The following RAD51B variants were observed in gnomAD, a reference collection of about 807,000 sequenced individuals.
The protein encoded by RAD51B is RAD51 paralog B.
A neutral mutation model predicts 42.2 loss-of-function variants in RAD51B; 38 were observed. That is an observed-to-expected ratio of 0.90 (90% CI 0.70 to 1.18). RAD51B has a LOEUF of 1.18. Ranked by LOEUF, RAD51B falls within the 50% of genes most tolerant of loss-of-function variation. RAD51B has a pLI of 0.00. For synonymous variants in RAD51B, 154 were observed against 145.2 expected (o/e 1.06, Z -0.43); for missense variants, 373 against 400.7 (o/e 0.93, Z 0.59).
At chr14:68,116,839 C>T (rs2077557682) in intron 7 of RAD51B, among the ~76,000 whole-genome samples, 1 of 151,894 alleles carries the variant, frequency 6.6e-6, no homozygotes, top group Non-Finnish European at 1.5e-5. Context: ...GAATTTCTTC[C>T]TTGGGGAAAT....
At chr14:68,298,260 A>G (rs1566792414) in intron 8 of RAD51B, among the ~76,000 whole-genome samples, 1 of 152,236 alleles carries the variant, frequency 6.6e-6, no homozygotes, top group Non-Finnish European at 1.5e-5. Context: ...AAATCCCAAA[A>G]GGGAGAGGAA....
At chr14:68,588,689 C>T (rs1020817482) in intron 10 of RAD51B, among the ~76,000 whole-genome samples, 5 of 152,144 alleles carry the variant, frequency 3.3e-5, no homozygotes, top group African/African-American at 4.8e-5. Flanking sequence ...TGAGTAGTAT[C>T]GAGTCTGGAT....
intron 8 of RAD51B, among the ~76,000 whole-genome samples, chr14:68,302,486 A>AGGG (rs2139695352): frequency 2.1e-5 from 1 of 47,576 alleles, no homozygotes; most frequent in South Asian, 9.7e-4. Context: ...AGCCCCCGTC[A>AGGG]TGGAATCCAG....
At chr14:68,444,905 G>T (rs1259629684) in intron 9 of RAD51B, among the ~76,000 whole-genome samples, 4 of 152,192 alleles carry the variant, frequency 2.6e-5, no homozygotes, top group African/African-American at 9.7e-5. Context: ...TGAACTGGTG[G>T]AACTTTGTGG....
chr14:68,003,752 C>T (rs2075528830), intron 7 of RAD51B, among the ~76,000 whole-genome samples: 1 of 152,082 alleles, frequency 6.6e-6, no homozygotes, highest in African/African-American at 2.4e-5. Flanking sequence ...TATTGAAGGC[C>T]TTTTCTGCAT....
intron 10 of RAD51B, among the ~76,000 whole-genome samples, chr14:68,619,963 A>G (rs1262358678): frequency 6.6e-6 from 1 of 152,102 alleles, no homozygotes; most frequent in East Asian, 1.9e-4. Flanking sequence ...CCTTGCCCCA[A>G]ATATAATGTA....
intron 8 of RAD51B, among the ~76,000 whole-genome samples, chr14:68,409,452 A>C (rs1416830749): frequency 6.6e-6 from 1 of 152,230 alleles, no homozygotes; most frequent in Non-Finnish European, 1.5e-5. Context: ...GGTATTAGAC[A>C]AGAAAAAATG....
intron 8 of RAD51B, among the ~76,000 whole-genome samples, chr14:68,308,550 A>T (rs1030830167): frequency 3.9e-5 from 6 of 152,168 alleles, no homozygotes; most frequent in Non-Finnish European, 7.4e-5. Context: ...AGACCTTGTT[A>T]AATAACAATG....
chr14:67,960,413 T>G (rs1042301726), intron 7 of RAD51B, among the ~76,000 whole-genome samples: 7 of 152,212 alleles, frequency 4.6e-5, no homozygotes, highest in African/African-American at 1.4e-4. Flanking sequence ...AAGAAGACTC[T>G]TGTTGTTTTC....
intron 7 of RAD51B, among the ~76,000 whole-genome samples, chr14:67,979,233 A>G (rs559320460): frequency 6.6e-6 from 1 of 152,362 alleles, no homozygotes; most frequent in African/African-American, 2.4e-5. Context: ...TAAAAATGCA[A>G]TTGTAATGTG....
chr14:68,487,864 C>T (rs956434546), intron 10 of RAD51B, among the ~76,000 whole-genome samples: 2 of 152,156 alleles, frequency 1.3e-5, no homozygotes, highest in Non-Finnish European at 2.9e-5. Context: ...TGGAGGTTAG[C>T]ACTTCACATA....
intron 11 of RAD51B, among the ~76,000 whole-genome samples, chr14:68,661,369 G>T: frequency 6.6e-6 from 1 of 152,288 alleles, no homozygotes; most frequent in South Asian, 2.1e-4. Context: ...TGCTGCACGC[G>T]CTGGAATCCC....
chr14:68,528,246 G>A (rs887234281), intron 10 of RAD51B, among the ~76,000 whole-genome samples: 61 of 152,182 alleles, frequency 4.0e-4, no homozygotes, highest in African/African-American at 1.4e-3. Flanking sequence ...TGAGAATGAT[G>A]TCATTCATCA....
At chr14:67,867,939 T>C (rs1264215197) in intron 5 of RAD51B, among the ~76,000 whole-genome samples, 1 of 152,200 alleles carries the variant, frequency 6.6e-6, no homozygotes, top group East Asian at 1.9e-4. Flanking sequence ...TTCACATATA[T>C]AGAATTTAGG....
chr14:68,327,426 T>G (rs150181313), intron 8 of RAD51B, among the ~76,000 whole-genome samples: 52 of 151,742 alleles, frequency 3.4e-4, no homozygotes, highest in Non-Finnish European at 6.2e-4. Context: ...CCCCTTTTTC[T>G]GTCTACTGCT....
intron 7 of RAD51B, among the ~76,000 whole-genome samples, chr14:68,144,079 A>G (rs1256403787): frequency 1.3e-5 from 2 of 152,086 alleles, no homozygotes; most frequent in African/African-American, 2.4e-5. Flanking sequence ...TTACCTAATG[A>G]GAGAACTTAA....
chr14:68,639,687 G>A (rs1892414948), intron 10 of RAD51B, among the ~76,000 whole-genome samples: 1 of 152,242 alleles, frequency 6.6e-6, no homozygotes, highest in South Asian at 2.1e-4. Context: ...GACACTTTGA[G>A]GAGGAGTGTG....
intron 10 of RAD51B, chr14:68,545,451 T>A: frequency 2.5e-6 from 1 of 401,140 alleles, no homozygotes; most frequent in East Asian, 7.3e-5. Flanking sequence ...TTCAGGCACC[T>A]GCTGTGTGCC....
intron 7 of RAD51B, among the ~76,000 whole-genome samples, chr14:68,169,149 G>T (rs2078814802): frequency 1.3e-5 from 2 of 152,080 alleles, no homozygotes; most frequent in Non-Finnish European, 2.9e-5. Flanking sequence ...ATGAATTTTG[G>T]TCTCTTTTTC....
Sources: allele counts gnomAD v4.1 joint callset (sites outside exome capture counted in the v4.1 genomes callset), GRCh38; gene constraint gnomAD v4.1.1; transcripts MANE v1.5; gene names NCBI Gene and HGNC (gene_info 2026-07-23, HGNC 2026-07-21).